Variants in TIAM1 observed in about 807,000 individuals in gnomAD.
The protein encoded by TIAM1 is TIAM Rac1 associated GEF 1, also known as rho guanine nucleotide exchange factor TIAM1.
In TIAM1, 65 loss-of-function variants were observed where a neutral mutation model predicts 163.5. That is an observed-to-expected ratio of 0.40 (90% CI 0.33 to 0.49). TIAM1 has a LOEUF of 0.49. Ranked by LOEUF, TIAM1 falls within the 20% of genes least tolerant of loss-of-function variation. The pLI is 0.77. For missense variants in TIAM1, 1,789 were observed against 2,044.7 expected (o/e 0.87, Z 2.41); for synonymous variants, 833 against 810.1 (o/e 1.03, Z -0.48).
chr21:31,333,884 A>C (rs1365412889), intron 2 of TIAM1, among the ~76,000 whole-genome samples: 1 of 152,272 alleles, frequency 6.6e-6, no homozygotes, highest in Non-Finnish European at 1.5e-5. Context: ...AAGAATGAAT[A>C]AATGAGCTAA....
chr21:31,474,632 G>A (rs1483617191), intron 1 of TIAM1, among the ~76,000 whole-genome samples: 21 of 148,908 alleles, frequency 1.4e-4, no homozygotes, highest in Non-Finnish European at 3.0e-5. Context: ...CGCAACCTCC[G>A]CCTCCCGGGT....
At chr21:31,341,857 G>A (rs979199258) in intron 1 of TIAM1, among the ~76,000 whole-genome samples, 3 of 152,108 alleles carry the variant, frequency 2.0e-5, no homozygotes, top group Non-Finnish European at 2.9e-5. Context: ...CAAGAAAGGA[G>A]GTGGCCTTTG....
At chr21:31,257,057 G>A (rs567049087) in intron 4 of TIAM1, among the ~76,000 whole-genome samples, 8 of 152,124 alleles carry the variant, frequency 5.3e-5, no homozygotes, top group Non-Finnish European at 1.2e-4. Flanking sequence ...TACTAATTAG[G>A]CTTGTTAATT....
chr21:31,470,666 A>G (rs1304949094), intron 1 of TIAM1, among the ~76,000 whole-genome samples: 2 of 152,216 alleles, frequency 1.3e-5, no homozygotes, highest in African/African-American at 2.4e-5. Context: ...AATTGTGTGT[A>G]TGTGTGCATT....
chr21:31,487,628 GC>G (rs2046320278), intron 1 of TIAM1, among the ~76,000 whole-genome samples: 1 of 149,562 alleles, frequency 6.7e-6, no homozygotes, highest in Non-Finnish European at 1.5e-5. Flanking sequence ...CGCAATCTCG[GC>G]TCACTGCAAG....
At chr21:31,384,002 C>T (rs1321652628) in intron 2 of TIAM1, among the ~76,000 whole-genome samples, 2 of 152,204 alleles carry the variant, frequency 1.3e-5, no homozygotes, top group Non-Finnish European at 2.9e-5. Context: ...TTATCATATG[C>T]AATCGAGCAC....
chr21:31,442,233 T>A (rs7281392), intron 2 of TIAM1, among the ~76,000 whole-genome samples: 5,536 of 105,686 alleles, frequency 0.052, 360 homozygotes, highest in African/African-American at 0.2. Context: ...GAGTAGGGAG[T>A]TTTTTTTTTT....
chr21:31,122,445 G>A (rs1008762979), intron 27 of TIAM1, among the ~76,000 whole-genome samples: 2 of 152,096 alleles, frequency 1.3e-5, no homozygotes, highest in African/African-American at 4.8e-5. Flanking sequence ...AAGTATCTAG[G>A]AGTAAAGTGT....
intron 6 of TIAM1, among the ~76,000 whole-genome samples, chr21:31,234,280 C>T (rs1050938929): frequency 8.0e-6 from 1 of 125,648 alleles, no homozygotes; most frequent in Non-Finnish European, 1.6e-5. Context: ...GTACAGGTTA[C>T]AATAAAAAGG....
At chr21:31,241,741 T>C (rs1208992275) in intron 6 of TIAM1, among the ~76,000 whole-genome samples, 1 of 152,206 alleles carries the variant, frequency 6.6e-6, no homozygotes, top group East Asian at 1.9e-4. Flanking sequence ...GAATGGTGAT[T>C]CATGCCTATC....
chr21:31,414,894 C>T (rs2043320529), intron 2 of TIAM1, among the ~76,000 whole-genome samples: 1 of 152,218 alleles, frequency 6.6e-6, no homozygotes, highest in Non-Finnish European at 1.5e-5. Flanking sequence ...TAGGAGAAAG[C>T]CACCACTGAT....
rs373331771 is a variant in TIAM1, at chr21:31,266,176, T to C, written c.797A>G (p.Asn266Ser). 8.1e-6 allele frequency: 13 copies of C among 1,614,020 alleles called. No individual in the cohort carries two copies. In the African/African-American group the frequency reaches 1.1e-4, roughly 13 times the overall value. Residue 266 changes from asparagine to serine, a missense_variant, in exon 4 of 28, where the codon AAT becomes AGT. Asn to Ser is a conservative substitution (Grantham distance 46). Coordinates refer to ENST00000541036, the MANE Select transcript of TIAM1 (RefSeq NM_001353694.2). ...TGGTGGCATCTTATGGTTTGCAAGA[T>C]TGGGAATATCAGACACCAAATTCCG... Reference protein sequence around the residue: ...YCRNLVSDIPNLANHKMPPAA... With the variant: ...YCRNLVSDIPSLANHKMPPAA...
chr21:31,139,825 C>G (rs2082764964), intron 22 of TIAM1, among the ~76,000 whole-genome samples: 1 of 152,190 alleles, frequency 6.6e-6, no homozygotes, highest in South Asian at 2.1e-4. Flanking sequence ...CTATCAGATC[C>G]TGACTGTACA....
chr21:31,313,701 A>G (rs2075010878), intron 2 of TIAM1, among the ~76,000 whole-genome samples: 1 of 152,050 alleles, frequency 6.6e-6, no homozygotes, highest in Admixed American at 6.6e-5. Context: ...CAGCCTCCCA[A>G]GTAACTGGGA....
intron 22 of TIAM1, among the ~76,000 whole-genome samples, chr21:31,140,218 A>AC (rs764845063): frequency 1.1e-4 from 16 of 152,282 alleles, no homozygotes; most frequent in Non-Finnish European, 1.8e-4. Flanking sequence ...TCTAGCCTAC[A>AC]CTAAACAACC....
At chr21:31,290,616 C>T (rs533613230) in intron 2 of TIAM1, among the ~76,000 whole-genome samples, 100 of 143,660 alleles carry the variant, frequency 7.0e-4, no homozygotes, top group Admixed American at 2.5e-3. Flanking sequence ...CACTGCACTC[C>T]GGCCCCGGTA....
intron 2 of TIAM1, among the ~76,000 whole-genome samples, chr21:31,423,997 C>T (rs928191700): frequency 1.3e-5 from 2 of 151,988 alleles, no homozygotes; most frequent in African/African-American, 2.4e-5. Context: ...ATACACTTTA[C>T]GTGCATGAAT....
intron 1 of TIAM1, among the ~76,000 whole-genome samples, chr21:31,495,615 T>C (rs779181210): frequency 1.3e-5 from 2 of 152,202 alleles, no homozygotes; most frequent in Non-Finnish European, 2.9e-5. Flanking sequence ...AATACATTCA[T>C]GCACTGCACG....
Position 31,323,792 on chromosome 21 carries a change from T to C in TIAM1, c.-189+15451A>G, listed in dbSNP as rs143654011. ...GTTGCAGTGAGCCGGGATCGCGCCATTGCACTCCAGTCTGGGTGACAGAGT... is the reference window on the plus strand; with the variant it reads ...GTTGCAGTGAGCCGGGATCGCGCCACTGCACTCCAGTCTGGGTGACAGAGT... On this transcript the variant is annotated intron_variant, in intron 2 of 27. Transcript: ENST00000541036. Among the ~76,000 whole-genome samples, 10 of 151,964 alleles carry C rather than the reference T, an allele frequency of 6.6e-5. No individual in the cohort carries two copies. The East Asian group carries it at 7.8e-4, about 12-fold the overall frequency.
Sources: allele counts gnomAD v4.1 joint callset (sites outside exome capture counted in the v4.1 genomes callset), GRCh38; gene constraint gnomAD v4.1.1; transcripts MANE v1.5; gene names NCBI Gene and HGNC (gene_info 2026-07-23, HGNC 2026-07-21).